Variants in CASD1 observed in about 807,000 individuals in gnomAD.
CASD1 encodes the protein N-acetylneuraminate (7)9-O-acetyltransferase.
A neutral mutation model predicts 100.0 loss-of-function variants in CASD1; 41 were observed. That is an observed-to-expected ratio of 0.41 (90% CI 0.32 to 0.53). The LOEUF (loss-of-function observed/expected upper bound fraction) is 0.53, where lower values mean the gene tolerates loss of function less well. Ranked by LOEUF, CASD1 falls within the 20% of genes least tolerant of loss-of-function variation. The pLI, the probability that CASD1 is intolerant of heterozygous loss-of-function variation, is 0.25. For synonymous variants in CASD1, 321 were observed against 315.6 expected (o/e 1.02, Z -0.18); for missense variants, 774 against 948.7 (o/e 0.82, Z 2.42).
the CASD1 span, chr7:94,588,762 CTGTT>C: frequency 5.0e-6 from 8 of 1,613,076 alleles, no homozygotes; most frequent in African/African-American, 4.0e-5. Context: ...TTGAGTAAAA[CTGTT>C]TGTTTACACA....
rs1415569479 is a variant in CASD1, at chr7:94,510,202, T to C, written c.118T>C (p.Ser40Pro). The part of the protein sequence containing the change: ...VLLLAACHLA[S>P]RRYRGNDSCE... ...GCTGCTCGCAGCGTGCCACCTCGCC[T>C]CCCGCCGCTACCGAGGTGAGCGGGC... Residue 40 changes from serine to proline, a missense_variant, in exon 1 of 18, where the codon TCC (serine) becomes CCC (proline). Ser to Pro is a moderately conservative substitution (Grantham distance 74). This residue lies in a region of CASD1 where 75 missense variants were observed against 60.9 expected (regional missense o/e 1.23). Coordinates refer to ENST00000297273, the MANE Select transcript of CASD1 (RefSeq NM_022900.5). 1.4e-6 allele frequency: 2 copies of C among 1,478,916 alleles called. No individual in the cohort carries two copies. The highest frequency in any genetic ancestry group is 1.4e-5 in the South Asian group (1 of 74,014). The allele number at this position is 1,478,916 out of a possible 1,614,324, so 91.6% of individuals were successfully genotyped here.
chr7:94,535,309 A>T lies in CASD1; in HGVS notation c.629A>T (p.Asp210Val). ...KTSDVYWVLQ[D>V]PVYEDLLSEN... ...TTTTAAAAATGTGTCTCACGTGCAG[A>T]TCCTGTTTATGAAGATCTATTAAGT... The change falls in exon 8 of 18, where the codon GAT (aspartate) becomes GTT (valine). Residue 210 changes from aspartate to valine, a missense_variant and splice_region_variant. Transcript: ENST00000297273. The T allele has an allele frequency of 6.2e-7, 1 of 1,608,670 alleles. No homozygotes were observed. The highest frequency in any genetic ancestry group is 2.2e-5 in the East Asian group (1 of 44,716).
At chr7:94,601,002 A>C in the CASD1 span, 1 of 715,146 alleles carries the variant, frequency 1.4e-6, no homozygotes, top group South Asian at 1.7e-5. Flanking sequence ...TGAATTTGCA[A>C]GTATTTATTG....
At chr7:94,581,489 A>G in the CASD1 span, among the ~76,000 whole-genome samples, 2 of 152,154 alleles carry the variant, frequency 1.3e-5, no homozygotes, top group Admixed American at 6.5e-5. Flanking sequence ...TATTAAGCCC[A>G]GCACCTACTA....
chr7:94,529,913 G>A (rs1794764909), intron 5 of CASD1, among the ~76,000 whole-genome samples: 1 of 152,124 alleles, frequency 6.6e-6, no homozygotes, highest in South Asian at 2.1e-4. Context: ...AACTAGAATA[G>A]CCTTATAGAA....
chr7:94,610,275 G>A, the CASD1 span, among the ~76,000 whole-genome samples: 2 of 152,132 alleles, frequency 1.3e-5, no homozygotes, highest in African/African-American at 4.8e-5. Context: ...ATACTATAAT[G>A]ATGGAAACAT....
the CASD1 span, chr7:94,600,399 T>G: frequency 2.2e-6 from 1 of 448,582 alleles, no homozygotes; most frequent in Non-Finnish European, 4.0e-6. Context: ...GGGACTGTTT[T>G]GCCAGTGTGA....
At chr7:94,576,907 A>G in the CASD1 span, among the ~76,000 whole-genome samples, 5 of 152,170 alleles carry the variant, frequency 3.3e-5, no homozygotes, top group African/African-American at 1.2e-4. Context: ...GAACCTGAGT[A>G]TGGTATTGAA....
the CASD1 span, chr7:94,623,976 C>T: frequency 5.2e-6 from 2 of 383,524 alleles, no homozygotes; most frequent in Non-Finnish European, 9.2e-6. Flanking sequence ...ACAAATCAAT[C>T]CCTTCATACG....
intron 5 of CASD1, 82 bp downstream of exon 5, chr7:94,528,332 C>T (rs1042825520): frequency 4.2e-6 from 4 of 955,158 alleles, no homozygotes; most frequent in Middle Eastern, 3.2e-4. Flanking sequence ...CCTTTACTCA[C>T]TTGTCCCACT....
the CASD1 span, chr7:94,600,947 C>T: frequency 6.4e-6 from 7 of 1,088,654 alleles, no homozygotes; most frequent in Non-Finnish European, 9.5e-6. Flanking sequence ...CATTCTTTGA[C>T]AAATTATCTA....
At chr7:94,601,481 A>G in the CASD1 span, among the ~76,000 whole-genome samples, 1 of 145,628 alleles carries the variant, frequency 6.9e-6, no homozygotes, top group African/African-American at 2.5e-5. Flanking sequence ...AAAAAACTAC[A>G]ACAGTTGCAC....
chr7:94,526,957 A>G (rs1345650179), intron 3 of CASD1, among the ~76,000 whole-genome samples: 2 of 152,206 alleles, frequency 1.3e-5, no homozygotes, highest in East Asian at 1.9e-4. Flanking sequence ...TGAAAATCAC[A>G]TGTAGACAAT....
At chr7:94,550,967 G>T (rs1195964938) in intron 14 of CASD1, among the ~76,000 whole-genome samples, 2 of 152,060 alleles carry the variant, frequency 1.3e-5, no homozygotes, top group African/African-American at 4.8e-5. Flanking sequence ...TTATTTGACT[G>T]AAAGGACTGA....
chr7:94,514,100 G>T (rs1325867846), intron 1 of CASD1, among the ~76,000 whole-genome samples: 2 of 151,910 alleles, frequency 1.3e-5, no homozygotes, highest in Non-Finnish European at 2.9e-5. Context: ...AACTTCAAAT[G>T]CCTTAATTTT....
At chr7:94,629,100 A>G in the CASD1 span, 23 of 152,066 alleles carry the variant, frequency 1.5e-4, no homozygotes, top group Non-Finnish European at 2.5e-4. Flanking sequence ...ATTCACTTTT[A>G]TTTGCTGCTT....
chr7:94,554,611 C>A (rs1796113532), intron 17 of CASD1, 36 bp downstream of exon 17: 1 of 1,348,468 alleles, frequency 7.4e-7, no homozygotes, highest in Non-Finnish European at 1.1e-6. Flanking sequence ...CTTACACAGC[C>A]AGGTGTTTCA....
chr7:94,594,172 A>G, the CASD1 span, among the ~76,000 whole-genome samples: 15 of 152,166 alleles, frequency 9.9e-5, no homozygotes, highest in African/African-American at 3.6e-4. Context: ...TACGTAATAG[A>G]TTTTTGATGT....
At chr7:94,626,049 T>A in the CASD1 span, 1 of 152,150 alleles carries the variant, frequency 6.6e-6, no homozygotes, top group Non-Finnish European at 1.5e-5. Flanking sequence ...TTCATTGTGA[T>A]CTCCATCTGA....
Sources: allele counts gnomAD v4.1 joint callset (sites outside exome capture counted in the v4.1 genomes callset), GRCh38; gene constraint gnomAD v4.1.1; regional missense constraint gnomAD v4.1.1; transcripts MANE v1.5; gene names NCBI Gene and HGNC (gene_info 2026-07-23, HGNC 2026-07-21).